Variants in RPS6KB1 observed in about 807,000 individuals in gnomAD.
The protein encoded by RPS6KB1 is ribosomal protein S6 kinase beta-1.
A neutral mutation model predicts 70.2 loss-of-function variants in RPS6KB1; 12 were observed. The ratio of observed to expected loss-of-function variants is 0.17; its 90% confidence interval spans 0.11 to 0.28. RPS6KB1 has a LOEUF of 0.28. RPS6KB1 is among the 10% of genes least tolerant of loss of function. RPS6KB1 has a pLI of 1.00. For missense variants in RPS6KB1, 270 were observed against 646.6 expected, an observed-to-expected ratio of 0.42 and a Z score of 6.32; for synonymous variants, 175 against 211.2, an observed-to-expected ratio of 0.83 and a Z score of 1.49.
intron 7 of RPS6KB1, among the ~76,000 whole-genome samples, chr17:59,933,284 ACCT>A (rs2044048837): frequency 6.6e-6 from 1 of 150,912 alleles, no homozygotes; most frequent in South Asian, 2.1e-4. Flanking sequence ...TCTCATCAAC[ACCT>A]CCTCACTCCC....
intron 4 of RPS6KB1, 139 bp from the exon 5 acceptor site, chr17:59,926,296 C>T (rs1208917505): frequency 4.6e-6 from 3 of 653,748 alleles, no homozygotes; most frequent in East Asian, 5.8e-5. Flanking sequence ...TTCCATTACC[C>T]CATCTCAGTT....
chr17:59,941,483 G>A (rs1037088770), intron 13 of RPS6KB1, among the ~76,000 whole-genome samples: 1 of 151,910 alleles, frequency 6.6e-6, no homozygotes, highest in African/African-American at 2.4e-5. Context: ...GCCACATGCA[G>A]CTAATTTTTT....
chr17:59,897,566 T>G (rs2041638751), intron 1 of RPS6KB1, among the ~76,000 whole-genome samples: 1 of 152,182 alleles, frequency 6.6e-6, no homozygotes, highest in Non-Finnish European at 1.5e-5. Context: ...TGACTATGCG[T>G]TAGTAAATAT....
At chr17:59,926,205 A>G (rs1199667327) in intron 4 of RPS6KB1, among the ~76,000 whole-genome samples, 1 of 152,170 alleles carries the variant, frequency 6.6e-6, no homozygotes, top group African/African-American at 2.4e-5. Context: ...TTTCTTTTTT[A>G]AAAAGTCTCT....
chr17:59,932,369 G>A (rs1302294546), intron 7 of RPS6KB1, among the ~76,000 whole-genome samples: 1 of 152,022 alleles, frequency 6.6e-6, no homozygotes, highest in Non-Finnish European at 1.5e-5. Context: ...CCAAGATCGC[G>A]ACATTATACT....
At chr17:59,925,070 A>G (rs1157270073) in intron 4 of RPS6KB1, among the ~76,000 whole-genome samples, 1 of 152,064 alleles carries the variant, frequency 6.6e-6, no homozygotes, top group Non-Finnish European at 1.5e-5. Context: ...TAACCTCATT[A>G]TCCGCCCTCC....
chr17:59,895,129 T>C (rs2041457276), intron 1 of RPS6KB1, among the ~76,000 whole-genome samples: 1 of 151,664 alleles, frequency 6.6e-6, no homozygotes, highest in Non-Finnish European at 1.5e-5. Context: ...CAAGCGATTC[T>C]CCTGCCTCAG....
At chr17:59,943,134 C>T (rs1270511903) in intron 13 of RPS6KB1, among the ~76,000 whole-genome samples, 2 of 152,030 alleles carry the variant, frequency 1.3e-5, no homozygotes, top group African/African-American at 4.8e-5. Flanking sequence ...TACAGTATTA[C>T]ATAAGAGATA....
Position 59,947,762 on chromosome 17 carries a change from GA to G in RPS6KB1, c.*976del. On this transcript the variant is annotated 3_prime_UTR_variant, in exon 15 of 15. Coordinates refer to ENST00000225577, the MANE Select transcript of RPS6KB1 (RefSeq NM_003161.4). ...TTCAGCCCATGGCTGAAGAACAACAGAAGAGAGTCAGGATAAAAAATACATA... is the reference window on the plus strand; with the variant it reads ...TTCAGCCCATGGCTGAAGAACAACAGAGAGAGTCAGGATAAAAAATACATA... 1.8e-6 allele frequency: 1 copy of G among 563,928 alleles called. No homozygotes were observed. Among genetic ancestry groups the G allele is most frequent in the East Asian group, 3.1e-5 (1 of 32,602 alleles). The allele number at this position is 563,928 out of a possible 1,614,324, so 34.9% of individuals were successfully genotyped here. A position where few individuals can be genotyped will look rare whatever the true frequency, so the allele number is the denominator to read the frequency against.
chr17:59,902,578 CT>C (rs559757964), intron 1 of RPS6KB1, among the ~76,000 whole-genome samples: 231 of 134,264 alleles, frequency 1.7e-3, no homozygotes, highest in Admixed American at 2.2e-3. Context: ...TTTTTTGTTT[CT>C]TTTTTTTTTT....
Position 59,947,422 on chromosome 17 carries a change from C to G in RPS6KB1, c.*634C>G. 1 of 1,279,576 alleles carries G rather than the reference C, an allele frequency of 7.8e-7. No individual in the cohort carries two copies. The highest frequency in any genetic ancestry group is 3.1e-5 in the South Asian group (1 of 32,246). The allele number at this position is 1,279,576 out of a possible 1,614,324, so 79.3% of individuals were successfully genotyped here. On this transcript the variant is annotated 3_prime_UTR_variant, in exon 15 of 15. Transcript: ENST00000225577. ...GAAAGCCAGACAACTTCTGTTTCTTCTCTTGGTGAAATAATAAAATGCAAA... is the reference window on the plus strand; with the variant it reads ...GAAAGCCAGACAACTTCTGTTTCTTGTCTTGGTGAAATAATAAAATGCAAA...
In RPS6KB1 at chr17:59,925,064, C is replaced by A. The variant is rs181118544; in HGVS notation, c.382-1371C>A. The stretch of plus-strand genomic sequence containing the variant: ...GCCAGGATGGTCTTGATCTCCTAAC[C>A]TCATTATCCGCCCTCCTCGGCCTCC... On this transcript the variant is annotated intron_variant, in intron 4 of 14. Transcript: ENST00000225577. Among the ~76,000 whole-genome samples, 16 of 152,226 alleles carry A rather than the reference C, an allele frequency of 1.1e-4. No individual in the cohort carries two copies. In the East Asian group the frequency reaches 1.2e-3, roughly 11 times the overall value.
intron 10 of RPS6KB1, 37 bp downstream of exon 10, chr17:59,935,337 C>A: frequency 9.2e-7 from 1 of 1,084,700 alleles, no homozygotes; most frequent in South Asian, 1.3e-5. Context: ...CTACAAGATT[C>A]AATGACTAGG....
chr17:59,946,537 TC>T lies in RPS6KB1; in HGVS notation c.1341-12del. The stretch of plus-strand genomic sequence containing the variant: ...CCTTAAGCAAATGAATGATAGCTCT[TC>T]CTTGTCTTAAAGCCCAGTCAAATTT... On this transcript the variant is annotated splice_polypyrimidine_tract_variant and intron_variant, in intron 14 of 14. Transcript: ENST00000225577. The surrounding 1 kb of genome is among the most constrained non-coding windows in gnomAD (Gnocchi z 4.2). 1.2e-6 allele frequency: 2 copies of T among 1,603,732 alleles called. No individual in the cohort carries two copies. The highest frequency in any genetic ancestry group is 1.7e-6 in the Non-Finnish European group (2 of 1,170,590).
At chr17:59,915,071 C>T (rs2042863139) in intron 4 of RPS6KB1, among the ~76,000 whole-genome samples, 1 of 152,006 alleles carries the variant, frequency 6.6e-6, no homozygotes, top group Non-Finnish European at 1.5e-5. Context: ...TCACTGCAAC[C>T]TCCACCTCCC....
At chr17:59,900,231 C>CACACACACACACACACA (rs1568377853) in intron 1 of RPS6KB1, among the ~76,000 whole-genome samples, 5 of 143,700 alleles carry the variant, frequency 3.5e-5, no homozygotes, top group East Asian at 2.0e-4. Flanking sequence ...CACACACACA[C>CACACACACACACACACA]CCCTATGTGT....
chr17:59,895,124 G>A (rs940854718), intron 1 of RPS6KB1, among the ~76,000 whole-genome samples: 9 of 151,588 alleles, frequency 5.9e-5, no homozygotes, highest in Non-Finnish European at 1.2e-4. Context: ...GGGTTCAAGC[G>A]ATTCTCCTGC....
intron 1 of RPS6KB1, among the ~76,000 whole-genome samples, chr17:59,895,475 C>T (rs971648530): frequency 4.0e-5 from 6 of 151,516 alleles, no homozygotes; most frequent in African/African-American, 1.5e-4. Context: ...GGGCGCGCCA[C>T]ATCACCTGGC....
intron 13 of RPS6KB1, 96 bp downstream of exon 13, chr17:59,941,039 G>A: frequency 1.5e-6 from 1 of 676,462 alleles, no homozygotes; most frequent in Non-Finnish European, 2.5e-6. Context: ...AGTTCATGTA[G>A]GTAACCTGGC....
Sources: allele counts gnomAD v4.1 joint callset (sites outside exome capture counted in the v4.1 genomes callset), GRCh38; gene constraint gnomAD v4.1.1; non-coding constraint Gnocchi (gnomAD v3.1); transcripts MANE v1.5; gene names NCBI Gene and HGNC (gene_info 2026-07-23, HGNC 2026-07-21).